The following DENND1A variants were observed in gnomAD, a reference collection of about 807,000 sequenced individuals.
DENND1A encodes DENN domain-containing protein 1A.
DENND1A carries 51 observed loss-of-function variants against 113.7 expected under a neutral mutation model. That is an observed-to-expected ratio of 0.45 (90% CI 0.36 to 0.57). The LOEUF is 0.57. Ranked by LOEUF, DENND1A falls within the 20% of genes least tolerant of loss-of-function variation. DENND1A has a pLI of 0.00. For missense variants in DENND1A, 1,258 were observed against 1,395.9 expected (o/e 0.90, Z 1.57); for synonymous variants, 565 against 570.8 (o/e 0.99, Z 0.14).
At chr9:123,464,994 CA>C (rs10655282) in intron 13 of DENND1A, among the ~76,000 whole-genome samples, 12,331 of 70,288 alleles carry the variant, frequency 0.18, 443 homozygotes, top group South Asian at 0.24. Context: ...ACTAAAAATA[CA>C]AAAAAAAAAA....
At chr9:123,525,281 G>C (rs2054729697) in intron 13 of DENND1A, among the ~76,000 whole-genome samples, 1 of 152,194 alleles carries the variant, frequency 6.6e-6, no homozygotes, top group South Asian at 2.1e-4. Flanking sequence ...CTAACTTTTA[G>C]GGCCTGCTAT....
chr9:123,455,239 A>G (rs188501520), intron 15 of DENND1A, among the ~76,000 whole-genome samples: 176 of 152,288 alleles, frequency 1.2e-3, no homozygotes, highest in African/African-American at 4.0e-3. Context: ...AGAGCTGATC[A>G]TGCAGTACCC....
intron 13 of DENND1A, among the ~76,000 whole-genome samples, chr9:123,521,471 T>C (rs1011928381): frequency 6.6e-6 from 1 of 152,204 alleles, no homozygotes. Context: ...TAAGATTAAG[T>C]GAGATACCCA....
intron 13 of DENND1A, among the ~76,000 whole-genome samples, chr9:123,546,603 A>T (rs1340825184): frequency 6.6e-6 from 1 of 152,132 alleles, no homozygotes; most frequent in Non-Finnish European, 1.5e-5. Context: ...CTGAAATATG[A>T]CCACCAGCCT....
chr9:123,395,294 CGACA>C (rs994478034), intron 21 of DENND1A, among the ~76,000 whole-genome samples: 14 of 152,034 alleles, frequency 9.2e-5, no homozygotes, highest in African/African-American at 2.9e-4. Context: ...GCAGAAGAGG[CGACA>C]GACAAATGGG....
intron 11 of DENND1A, among the ~76,000 whole-genome samples, chr9:123,601,422 G>C (rs866427446): frequency 1.3e-5 from 2 of 152,222 alleles, no homozygotes; most frequent in African/African-American, 4.8e-5. Flanking sequence ...CAGCTTCTAA[G>C]GGAAATCTAT....
At position 123,557,647 on chromosome 9, in the gene DENND1A, C is replaced by A. The variant is rs780212499; in HGVS notation, c.916G>T (p.Asp306Tyr). ...RLKKVSTTTG[D>Y]GVARAFLKAQ... Reference sequence around the variant, plus strand: ...TTGAGGAACGCTCTGGCCACACCATCCCCAGTGGTTGTGGAGACCTTTTTC... The same window carrying A: ...TTGAGGAACGCTCTGGCCACACCATACCCAGTGGTTGTGGAGACCTTTTTC... The change falls in exon 13 of 24, where the codon GAT (aspartate) becomes TAT (tyrosine). Residue 306 changes from aspartate to tyrosine, a missense_variant. Physicochemically the swap from Asp to Tyr is radical, Grantham distance 160. This residue lies in a region of DENND1A where 1,159 missense variants were observed against 1,231.7 expected (regional missense o/e 0.94). Transcript: ENST00000394215. 8.1e-6 allele frequency: 13 copies of A among 1,614,078 alleles called. No individual in the cohort carries two copies. The highest frequency in any genetic ancestry group is 7.6e-6 in the Non-Finnish European group (9 of 1,179,996).
chr9:123,396,158 G>A (rs1241789016), intron 21 of DENND1A, among the ~76,000 whole-genome samples: 5 of 152,138 alleles, frequency 3.3e-5, no homozygotes, highest in African/African-American at 1.2e-4. Flanking sequence ...GAGGCCACGC[G>A]CTCTGCTCAC....
At chr9:123,425,466 G>A (rs559982920) in intron 19 of DENND1A, among the ~76,000 whole-genome samples, 10 of 152,374 alleles carry the variant, frequency 6.6e-5, no homozygotes, top group South Asian at 2.1e-4. Flanking sequence ...GCGTGCAGGC[G>A]CCGCAGAACA....
At chr9:123,441,918 T>A (rs943301516) in intron 18 of DENND1A, among the ~76,000 whole-genome samples, 2 of 152,180 alleles carry the variant, frequency 1.3e-5, no homozygotes, top group African/African-American at 4.8e-5. Flanking sequence ...GAGAGAATGG[T>A]GGGACATGGA....
At chr9:123,609,376 G>A (rs948787790) in intron 11 of DENND1A, 60 bp downstream of exon 11, 30 of 1,577,348 alleles carry the variant, frequency 1.9e-5, no homozygotes, top group East Asian at 1.3e-4. Context: ...TCTCTCCACC[G>A]CCACACAATG....
At chr9:123,914,761 CA>C (rs1248166771) in intron 1 of DENND1A, among the ~76,000 whole-genome samples, 1 of 151,792 alleles carries the variant, frequency 6.6e-6, no homozygotes, top group Non-Finnish European at 1.5e-5. Flanking sequence ...CTCTTTTAAA[CA>C]ACCAGATCAT....
At chr9:123,445,782 A>T (rs1588566810) in intron 18 of DENND1A, among the ~76,000 whole-genome samples, 1 of 152,276 alleles carries the variant, frequency 6.6e-6, no homozygotes, top group East Asian at 1.9e-4. Flanking sequence ...CAGGAGAATC[A>T]CTTGAACCTG....
chr9:123,481,919 C>T (rs1449911872), intron 13 of DENND1A, among the ~76,000 whole-genome samples: 1 of 150,880 alleles, frequency 6.6e-6, no homozygotes, highest in African/African-American at 2.4e-5. Flanking sequence ...CCTCAGCTAC[C>T]TGAGTAGCTG....
At chr9:123,915,763 T>C (rs777611028) in intron 1 of DENND1A, among the ~76,000 whole-genome samples, 6 of 152,130 alleles carry the variant, frequency 3.9e-5, no homozygotes, top group Non-Finnish European at 8.8e-5. Flanking sequence ...AGAGTGGGAC[T>C]AGGGAAGAAT....
At chr9:123,790,470 A>G (rs368376840) in intron 3 of DENND1A, among the ~76,000 whole-genome samples, 3 of 152,188 alleles carry the variant, frequency 2.0e-5, no homozygotes, top group Admixed American at 2.0e-4. Flanking sequence ...GTGCACTCTT[A>G]TAAGTCTACC....
At chr9:123,398,444 G>A (rs1405772538) in intron 21 of DENND1A, among the ~76,000 whole-genome samples, 1 of 151,852 alleles carries the variant, frequency 6.6e-6, no homozygotes, top group Non-Finnish European at 1.5e-5. Flanking sequence ...GTGCGATCTC[G>A]GCTCACTGCC....
chr9:123,440,452 G>A lies in DENND1A; in HGVS notation c.1396C>T (p.Gln466Ter). The change falls in exon 19 of 24, where the codon CAG (glutamine) becomes TAG (stop). Residue 466 changes from glutamine (Q) to a stop codon, truncating the protein, a stop_gained. Transcript: ENST00000394215. LOFTEE classifies it high-confidence loss of function. The part of the protein sequence containing the change: ...ENGCAPTPEE[Q>*]LPKTAPSPLV... ...GGGGACGGTGCAGTCTTTGGCAGCT[G>A]CTCTTCTGGGGTGGGGGCGCAGCCA... 1 of 1,571,940 alleles carries A rather than the reference G, an allele frequency of 6.4e-7. No individual in the cohort carries two copies. The highest frequency in any genetic ancestry group is 1.2e-5 in the South Asian group (1 of 85,006).
chr9:123,859,788 A>T (rs10986123), intron 2 of DENND1A, among the ~76,000 whole-genome samples: 166 of 152,318 alleles, frequency 1.1e-3, no homozygotes, highest in African/African-American at 3.4e-3. Flanking sequence ...TGGAAATTTT[A>T]AAAAATGTAT....
Sources: allele counts gnomAD v4.1 joint callset (sites outside exome capture counted in the v4.1 genomes callset), GRCh38; gene constraint gnomAD v4.1.1; regional missense constraint gnomAD v4.1.1; transcripts MANE v1.5; gene names NCBI Gene and HGNC (gene_info 2026-07-23, HGNC 2026-07-21).